Variants in APBA1 observed in about 807,000 individuals in gnomAD.
The protein encoded by APBA1 is amyloid beta precursor protein binding family A member 1, also known as amyloid-beta A4 precursor protein-binding family A member 1.
In APBA1, 55 loss-of-function variants were observed where a neutral mutation model predicts 86.6. That is an observed-to-expected ratio of 0.64 (90% confidence interval 0.51 to 0.80). APBA1 has a LOEUF of 0.80. APBA1 is among the 30% of genes least tolerant of loss of function. The pLI is 0.00. For missense variants in APBA1, 1,090 were observed against 1,183.0 expected (o/e 0.92, Z 1.15); for synonymous variants, 511 against 493.9 (o/e 1.03, Z -0.46).
chr9:69,548,671 C>T (rs905022120), intron 1 of APBA1, among the ~76,000 whole-genome samples: 4 of 152,078 alleles, frequency 2.6e-5, no homozygotes, highest in African/African-American at 7.2e-5. Flanking sequence ...GGACTGAAAC[C>T]CTGGAAGAGA....
chr9:69,499,831 C>G (rs542537211), intron 2 of APBA1, among the ~76,000 whole-genome samples: 2 of 152,020 alleles, frequency 1.3e-5, no homozygotes, highest in South Asian at 4.2e-4. Context: ...TACACATGAT[C>G]AGGGCAAGAG....
chr9:69,538,987 C>T (rs950393658), intron 1 of APBA1, among the ~76,000 whole-genome samples: 5 of 152,214 alleles, frequency 3.3e-5, no homozygotes, highest in African/African-American at 7.2e-5. Flanking sequence ...CAGCCTATCA[C>T]ACACTTGTTC....
intron 1 of APBA1, among the ~76,000 whole-genome samples, chr9:69,568,855 A>C (rs1472014769): frequency 1.3e-5 from 2 of 152,194 alleles, no homozygotes; most frequent in Non-Finnish European, 2.9e-5. Flanking sequence ...AAAGTTTAGG[A>C]TAGTGACTGG....
intron 1 of APBA1, among the ~76,000 whole-genome samples, chr9:69,599,220 A>G (rs1008786524): frequency 6.6e-6 from 1 of 152,248 alleles, no homozygotes; most frequent in Non-Finnish European, 1.5e-5. Flanking sequence ...ACATATATTT[A>G]CCGCAATTTT....
intron 2 of APBA1, among the ~76,000 whole-genome samples, chr9:69,511,073 G>A (rs1396252362): frequency 9.9e-5 from 15 of 151,816 alleles, no homozygotes; most frequent in Non-Finnish European, 1.5e-5. Flanking sequence ...TGGACAAATG[G>A]GATCTAATTA....
intron 2 of APBA1, among the ~76,000 whole-genome samples, chr9:69,512,287 T>C (rs533115010): frequency 6.6e-6 from 1 of 152,198 alleles, no homozygotes; most frequent in Non-Finnish European, 1.5e-5. Context: ...GAGTGTTCAG[T>C]AAACTCTTAT....
At chr9:69,575,415 C>A (rs1236400931) in intron 1 of APBA1, among the ~76,000 whole-genome samples, 1 of 151,904 alleles carries the variant, frequency 6.6e-6, no homozygotes, top group Non-Finnish European at 1.5e-5. Context: ...CCTAAGCCAA[C>A]AGAACAAAGC....
chr9:69,517,245 C>T lies in APBA1; in HGVS notation c.-35G>A. The T allele has an allele frequency of 2.1e-6, 3 of 1,429,628 alleles. No homozygotes were observed. The highest frequency in any genetic ancestry group is 2.7e-6 in the Non-Finnish European group (3 of 1,093,048). The allele number at this position is 1,429,628 out of a possible 1,614,324, so 88.6% of individuals were successfully genotyped here. On this transcript the variant is annotated 5_prime_UTR_variant, in exon 2 of 13. Transcript: ENST00000265381. Reference sequence around the variant, plus strand: ...CGGAACGGCTAGGAGAGAAGCTGGGCCCGGCTCACTGCGCTCTCATTTTGC... The same window carrying T: ...CGGAACGGCTAGGAGAGAAGCTGGGTCCGGCTCACTGCGCTCTCATTTTGC...
chr9:69,588,660 A>T (rs1244591672), intron 1 of APBA1, among the ~76,000 whole-genome samples: 2 of 152,226 alleles, frequency 1.3e-5, no homozygotes, highest in African/African-American at 4.8e-5. Context: ...CAGAGCTTAC[A>T]AGTCAGAGCT....
At chr9:69,513,636 C>T (rs1588332241) in intron 2 of APBA1, among the ~76,000 whole-genome samples, 1 of 152,188 alleles carries the variant, frequency 6.6e-6, no homozygotes, top group Non-Finnish European at 1.5e-5. Flanking sequence ...AATCAGAAGC[C>T]TAGAAAACAA....
At chr9:69,542,995 T>G (rs1049593637) in intron 1 of APBA1, among the ~76,000 whole-genome samples, 1 of 152,244 alleles carries the variant, frequency 6.6e-6, no homozygotes, top group African/African-American at 2.4e-5. Flanking sequence ...AAGAGGCTTC[T>G]GCAGGCCCCA....
chr9:69,658,226 T>TCTC (rs1823655193), intron 1 of APBA1, among the ~76,000 whole-genome samples: 12 of 13,232 alleles, frequency 9.1e-4, no homozygotes, highest in African/African-American at 1.3e-3. Context: ...CTTTCTCTCT[T>TCTC]TCTTTCTTTC....
Position 69,456,415 on chromosome 9 carries a change from G to A in APBA1, c.1620C>T (p.His540=), listed in dbSNP as rs1564036701. Reference sequence around the variant, plus strand: ...CAATGTAGGAAATGGTCCTCAGAGGGTGGTCCATCATTGTCTCCTGGAGGC... The same window carrying A: ...CAATGTAGGAAATGGTCCTCAGAGGATGGTCCATCATTGTCTCCTGGAGGC... ...NADTQETMMD[H]PLRTISYIAD... is the part of the protein sequence containing the mutation. The change falls in exon 8 of 13, where the codon CAC becomes CAT. Residue 540 remains histidine (H), a synonymous_variant. Coordinates refer to ENST00000265381, the MANE Select transcript of APBA1 (RefSeq NM_001163.4). The A allele has an allele frequency of 5.6e-6, 9 of 1,602,222 alleles. No homozygotes were observed. The highest frequency in any genetic ancestry group is 7.7e-6 in the Non-Finnish European group (9 of 1,173,020).
At chr9:69,600,520 T>C (rs1822326656) in intron 1 of APBA1, among the ~76,000 whole-genome samples, 1 of 152,112 alleles carries the variant, frequency 6.6e-6, no homozygotes, top group Non-Finnish European at 1.5e-5. Context: ...ATAGGGATGT[T>C]GGCTGGGTGT....
At chr9:69,488,354 C>G (rs1267823011) in intron 2 of APBA1, among the ~76,000 whole-genome samples, 1 of 151,930 alleles carries the variant, frequency 6.6e-6, no homozygotes, top group East Asian at 1.9e-4. Flanking sequence ...AAGATCAATA[C>G]TATGTCATAT....
intron 1 of APBA1, among the ~76,000 whole-genome samples, chr9:69,658,294 T>TTC (rs774468066): frequency 0.29 from 12,515 of 43,840 alleles, 1,536 homozygotes; most frequent in Non-Finnish European, 0.34. Flanking sequence ...CTCTCTCTCT[T>TTC]TCTCTCTCTC....
intron 2 of APBA1, among the ~76,000 whole-genome samples, chr9:69,489,837 G>C (rs540435542): frequency 3.3e-5 from 5 of 152,228 alleles, no homozygotes; most frequent in Non-Finnish European, 5.9e-5. Context: ...AGGTGCTAGA[G>C]AGGATGTGGA....
At chr9:69,439,896 T>C (rs1287136826) in intron 11 of APBA1, among the ~76,000 whole-genome samples, 1 of 152,234 alleles carries the variant, frequency 6.6e-6, no homozygotes, top group East Asian at 1.9e-4. Context: ...GCTCTGTTTT[T>C]TCCCCATCTT....
At chr9:69,663,943 T>C (rs963804101) in intron 1 of APBA1, among the ~76,000 whole-genome samples, 1 of 152,330 alleles carries the variant, frequency 6.6e-6, no homozygotes. Flanking sequence ...TTCTTCTGAA[T>C]GCCAAAAACC....
Sources: gnomAD v4.1 joint callset for allele counts (sites outside exome capture counted in the v4.1 genomes callset) on GRCh38, gnomAD v4.1.1 for gene constraint, MANE v1.5 for transcripts, NCBI Gene and HGNC (gene_info 2026-07-23, HGNC 2026-07-21) for gene names.